ITPR2: variants seen among roughly 807,000 people sequenced by gnomAD.
ITPR2 encodes the protein inositol 1,4,5-trisphosphate-gated calcium channel ITPR2.
A neutral mutation model predicts 317.1 loss-of-function variants in ITPR2; 207 were observed. The ratio of observed to expected loss-of-function variants is 0.65; its 90% CI spans 0.58 to 0.73. The LOEUF is 0.73. ITPR2 is among the 30% of genes least tolerant of loss of function. ITPR2 has a pLI of 0.00. For missense variants in ITPR2, 2,613 were observed against 3,284.0 expected, an observed-to-expected ratio of 0.80 and a Z score of 4.99; for synonymous variants, 1,156 against 1,149.1, an observed-to-expected ratio of 1.01 and a Z score of -0.12.
intron 31 of ITPR2, among the ~76,000 whole-genome samples, chr12:26,596,391 A>T (rs1347059004): frequency 6.6e-6 from 1 of 152,226 alleles, no homozygotes; most frequent in Non-Finnish European, 1.5e-5. Flanking sequence ...TCACGCCTGT[A>T]AATCCAACAC....
At chr12:26,503,661 C>T (rs1301837780) in intron 37 of ITPR2, among the ~76,000 whole-genome samples, 1 of 152,118 alleles carries the variant, frequency 6.6e-6, no homozygotes, top group Non-Finnish European at 1.5e-5. Flanking sequence ...AATTAACTGC[C>T]CCAAGGCTCA....
intron 2 of ITPR2, among the ~76,000 whole-genome samples, chr12:26,789,110 G>C (rs190591821): frequency 9.9e-5 from 15 of 152,248 alleles, no homozygotes; most frequent in Admixed American, 9.2e-4. Flanking sequence ...GTTTCCAATG[G>C]GTAGTTTGTC....
chr12:26,439,037 A>C (rs1173779529), intron 47 of ITPR2, 90 bp downstream of exon 47: 2 of 807,514 alleles, frequency 2.5e-6, no homozygotes, highest in African/African-American at 3.5e-5. Flanking sequence ...AATTAAAAAA[A>C]CAATTTAAAT....
chr12:26,561,608 T>C (rs956049181), intron 35 of ITPR2, among the ~76,000 whole-genome samples, 154 bp downstream of exon 35: 7 of 152,214 alleles, frequency 4.6e-5, no homozygotes, highest in African/African-American at 1.4e-4. Context: ...GGAAGCTATA[T>C]GTTTAAAAAG....
chr12:26,480,170 T>TA lies in ITPR2; in HGVS notation c.6123+960dup, dbSNP rs1942513920. Among the ~76,000 whole-genome samples the TA allele has an allele frequency of 3.3e-5, 5 of 152,240 alleles. No homozygotes were observed. The South Asian group carries it at 1.0e-3, about 32-fold the overall frequency. On this transcript the variant is annotated intron_variant, in intron 43 of 56. Coordinates refer to ENST00000381340, the MANE Select transcript of ITPR2 (RefSeq NM_002223.4). ...AGAATTATTTTTTCCTGTTTAACCC[T>TA]AAACACAATAATGTGGTCTTTACTA...
At chr12:26,652,668 T>C (rs1448512929) in intron 21 of ITPR2, among the ~76,000 whole-genome samples, 2 of 152,186 alleles carry the variant, frequency 1.3e-5, no homozygotes, top group Admixed American at 6.5e-5. Context: ...AAGTAGCTAA[T>C]AGCTGGCTGA....
Position 26,483,870 on chromosome 12 carries a change from G to A in ITPR2, c.5840C>T (p.Thr1947Ile), listed in dbSNP as rs1256567869. 1.2e-6 allele frequency: 2 copies of A among 1,613,946 alleles called. No homozygotes were observed. The highest frequency in any genetic ancestry group is 1.7e-5 in the Admixed American group (1 of 59,978). Residue 1947 changes from threonine to isoleucine, a missense_variant, in exon 42 of 57, where the codon ACA (threonine) becomes ATA (isoleucine). Thr to Ile is a moderately conservative substitution (Grantham distance 89). Transcript: ENST00000381340. ...QNFLRNQNNK[T>I]NYNLVCETLQ... ...GGTCTCACAGACTAGGTTGTAATTTGTTTTGTTGTTTTGATTCCTCAAGAA... is the reference window on the plus strand; with the variant it reads ...GGTCTCACAGACTAGGTTGTAATTTATTTTGTTGTTTTGATTCCTCAAGAA...
rs1950045431 is a variant in ITPR2 at position 26,779,832 on chromosome 12, T to C, written c.163+10325A>G. ...ACACTGATTCATGGGCTGTAGCCAA[T>C]GGTTTGGCTGGATGGTCAGGGGCTT... On this transcript the variant is annotated intron_variant, in intron 2 of 56. Coordinates refer to ENST00000381340, the MANE Select transcript of ITPR2 (RefSeq NM_002223.4). Among the ~76,000 whole-genome samples, 3 of 152,090 alleles carry C rather than the reference T, an allele frequency of 2.0e-5. No individual in the cohort carries two copies. In the South Asian group the frequency reaches 6.2e-4, roughly 32 times the overall value.
chr12:26,373,354 AG>A (rs1939242892), intron 55 of ITPR2, among the ~76,000 whole-genome samples: 1 of 152,226 alleles, frequency 6.6e-6, no homozygotes, highest in African/African-American at 2.4e-5. Context: ...AGGCCTACCT[AG>A]TGCATCCAGG....
In ITPR2 at chr12:26,509,959, TG is replaced by T. The variant is rs1286423151; in HGVS notation, c.5074-14700del. 1.1e-3 allele frequency among the ~76,000 whole-genome samples: 10 copies of T among 9,202 alleles called. No individual in the cohort carries two copies. In the East Asian group the frequency reaches 0.014, roughly 13 times the overall value. The allele number at this position is 9,202 out of a possible 152,430, so 6.0% of individuals were successfully genotyped here. A position where few individuals can be genotyped will look rare whatever the true frequency, so the allele number is the denominator to read the frequency against. ...TTTGTTAACAAGTAGATAAGGGTTT[TG>T]TGTGTGTGTGTGTGTGTGTGTGTGT... is the stretch of plus-strand genomic sequence containing the variant. On this transcript the variant is annotated intron_variant, in intron 37 of 56. Coordinates refer to ENST00000381340, the MANE Select transcript of ITPR2 (RefSeq NM_002223.4).
At chr12:26,532,142 A>G (rs1261530405) in intron 37 of ITPR2, among the ~76,000 whole-genome samples, 2 of 152,250 alleles carry the variant, frequency 1.3e-5, no homozygotes, top group African/African-American at 4.8e-5. Flanking sequence ...TATCTCCCAC[A>G]TACAGGTGCA....
At chr12:26,436,676 C>T (rs1941358709) in intron 47 of ITPR2, among the ~76,000 whole-genome samples, 1 of 152,142 alleles carries the variant, frequency 6.6e-6, no homozygotes, top group African/African-American at 2.4e-5. Context: ...TAGCAGTTGC[C>T]TGGGGTCCCT....
At chr12:26,551,557 C>T (rs577988241) in intron 36 of ITPR2, among the ~76,000 whole-genome samples, 1 of 152,382 alleles carries the variant, frequency 6.6e-6, no homozygotes, top group African/African-American at 2.4e-5. Flanking sequence ...AGGCTGCACA[C>T]AGCCCCCTGA....
At chr12:26,815,143 A>G (rs11048693) in intron 1 of ITPR2, among the ~76,000 whole-genome samples, 15,351 of 152,196 alleles carry the variant, frequency 0.1, 867 homozygotes, top group South Asian at 0.19. Context: ...GTTTGAGACC[A>G]TCCTGGCCAA....
chr12:26,453,673 T>C (rs1941799287), intron 45 of ITPR2, among the ~76,000 whole-genome samples: 1 of 152,214 alleles, frequency 6.6e-6, no homozygotes, highest in African/African-American at 2.4e-5. Flanking sequence ...AGAAATAATA[T>C]GTTTTCCTCA....
intron 2 of ITPR2, among the ~76,000 whole-genome samples, chr12:26,744,656 A>C (rs1157858381): frequency 6.6e-6 from 1 of 152,274 alleles, no homozygotes; most frequent in Admixed American, 6.5e-5. Flanking sequence ...TGAATATGGA[A>C]TGAAATCCCA....
intron 2 of ITPR2, among the ~76,000 whole-genome samples, chr12:26,749,960 C>T (rs371699434): frequency 4.6e-5 from 7 of 152,122 alleles, no homozygotes; most frequent in African/African-American, 7.2e-5. Flanking sequence ...GAAAAACCCA[C>T]AAGACAAGTA....
At chr12:26,682,864 T>G (rs1258614513) in intron 11 of ITPR2, among the ~76,000 whole-genome samples, 191 bp from the exon 12 acceptor site, 1 of 152,164 alleles carries the variant, frequency 6.6e-6, no homozygotes, top group Non-Finnish European at 1.5e-5. Flanking sequence ...TTTACCTAGG[T>G]AGTAGTTCTC....
chr12:26,726,714 C>T (rs1948931730), intron 2 of ITPR2, among the ~76,000 whole-genome samples: 1 of 152,204 alleles, frequency 6.6e-6, no homozygotes, highest in Non-Finnish European at 1.5e-5. Flanking sequence ...ACTTTAGCCA[C>T]ATTATTGACT....
Sources: gnomAD v4.1 joint callset for allele counts (sites outside exome capture counted in the v4.1 genomes callset) on GRCh38, gnomAD v4.1.1 for gene constraint, MANE v1.5 for transcripts, NCBI Gene and HGNC (gene_info 2026-07-23, HGNC 2026-07-21) for gene names.